Variants in TENM1 observed in about 807,000 individuals in gnomAD.
TENM1 encodes the protein teneurin-1.
Under a neutral mutation model 174.8 loss-of-function variants are expected in TENM1, and 35 were observed. The observed-to-expected ratio is 0.20, with a 90% confidence interval of 0.15 to 0.27. TENM1 has a LOEUF of 0.27. TENM1 is among the 10% of genes least tolerant of loss of function. TENM1 has a pLI of 1.00. For synonymous variants in TENM1, 781 were observed against 798.7 expected, an observed-to-expected ratio of 0.98 and a Z score of 0.37; for missense variants, 1,633 against 2,130.1, an observed-to-expected ratio of 0.77 and a Z score of 4.59.
At chrX:124,783,519 C>T (rs1212186060) in intron 3 of TENM1, among the ~76,000 whole-genome samples, 1 of 110,818 alleles carries the variant, frequency 9.0e-6, no homozygotes, top group African/African-American at 3.3e-5. Flanking sequence ...GAAGTAATGT[C>T]GAATAAGTGG....
intron 11 of TENM1, among the ~76,000 whole-genome samples, chrX:124,629,621 A>G (rs746355037): frequency 4.5e-5 from 5 of 112,322 alleles, no homozygotes; most frequent in Non-Finnish European, 9.4e-5. Context: ...ATTACAAAAT[A>G]TTAATTATTT....
At chrX:125,188,129 G>A in the TENM1 span, among the ~76,000 whole-genome samples, 2 of 111,209 alleles carry the variant, frequency 1.8e-5, no homozygotes, top group African/African-American at 6.6e-5. Flanking sequence ...ACAGAAGTTC[G>A]AGACCAGCCT....
intron 3 of TENM1, among the ~76,000 whole-genome samples, chrX:124,888,121 G>T (rs1041033703): frequency 1.8e-5 from 2 of 111,523 alleles, no homozygotes; most frequent in Non-Finnish European, 3.8e-5. Context: ...AACTCCAGCG[G>T]TTTCCTTGAA....
At chrX:124,831,374 G>A (rs1463986674) in intron 3 of TENM1, among the ~76,000 whole-genome samples, 3 of 111,702 alleles carry the variant, frequency 2.7e-5, no homozygotes, top group East Asian at 2.8e-4. Context: ...GATGAGAAAC[G>A]GTACTCAATG....
chrX:125,175,842 C>T, the TENM1 span, among the ~76,000 whole-genome samples: 1 of 111,814 alleles, frequency 8.9e-6, no homozygotes, highest in African/African-American at 3.2e-5. Flanking sequence ...CAGTGCCTGG[C>T]ACAGAGTTAA....
intron 5 of TENM1, among the ~76,000 whole-genome samples, chrX:124,685,565 T>G (rs1267420763): frequency 1.8e-5 from 2 of 108,300 alleles, no homozygotes; most frequent in African/African-American, 6.9e-5. Context: ...AAATCTGTTT[T>G]TTTTTTTTTT....
intron 23 of TENM1, among the ~76,000 whole-genome samples, chrX:124,423,787 G>C (rs757050772): frequency 5.5e-4 from 61 of 111,663 alleles, no homozygotes; most frequent in African/African-American, 1.9e-3. Flanking sequence ...CTGGGTGTGA[G>C]GGAGACCTGA....
At chrX:124,751,301 A>C (rs2148579074) in intron 3 of TENM1, among the ~76,000 whole-genome samples, 1 of 111,944 alleles carries the variant, frequency 8.9e-6, no homozygotes, top group African/African-American at 3.2e-5. Context: ...GGCTTCAAGT[A>C]AATGTTATTA....
intron 1 of TENM1, among the ~76,000 whole-genome samples, chrX:124,933,826 T>C (rs1030435396): frequency 8.9e-6 from 1 of 111,917 alleles, no homozygotes; most frequent in African/African-American, 3.2e-5. Context: ...TTAAATTCCA[T>C]TGCATTTTAG....
At chrX:124,421,697 T>TGTATCTA (rs2060656016) in intron 24 of TENM1, among the ~76,000 whole-genome samples, 2 of 110,010 alleles carry the variant, frequency 1.8e-5, no homozygotes, top group Admixed American at 9.7e-5. Flanking sequence ...TAAAAAGCAA[T>TGTATCTA]GTATCTAGCA....
chrX:124,866,541 C>T (rs2057010991), intron 3 of TENM1, among the ~76,000 whole-genome samples: 1 of 110,594 alleles, frequency 9.0e-6, no homozygotes, highest in African/African-American at 3.3e-5. Context: ...AGCTATAATG[C>T]CTACATCAAA....
At chrX:124,535,344 G>A (rs779907495) in intron 15 of TENM1, among the ~76,000 whole-genome samples, 1 of 111,306 alleles carries the variant, frequency 9.0e-6, no homozygotes, top group African/African-American at 3.3e-5. Context: ...AAAAAGGCAG[G>A]CAAATCGACC....
chrX:125,187,833 GA>G, the TENM1 span, among the ~76,000 whole-genome samples: 5 of 111,128 alleles, frequency 4.5e-5, no homozygotes, highest in Non-Finnish European at 9.4e-5. Flanking sequence ...TATTCACATA[GA>G]AAGATGTTCA....
At chrX:125,048,243 ATTT>A in the TENM1 span, among the ~76,000 whole-genome samples, 5,472 of 63,887 alleles carry the variant, frequency 0.086, 115 homozygotes, top group African/African-American at 0.11. Flanking sequence ...GTTTCGAAGC[ATTT>A]TTTTTTTTTT....
rs1286165943 is a variant in TENM1, at chrX:124,737,831, C to G, written c.536-634G>C. Among the ~76,000 whole-genome samples the G allele has an allele frequency of 5.3e-5, 6 of 112,293 alleles. No individual in the cohort carries two copies. In the East Asian group the frequency reaches 1.7e-3, roughly 31 times the overall value. On this transcript the variant is annotated intron_variant, in intron 3 of 31. Coordinates refer to ENST00000422452, the Ensembl canonical transcript of TENM1. The stretch of plus-strand genomic sequence containing the variant: ...TTTGTTCAAGTTGTTATACATATTT[C>G]CATGGTCATGCAAAGCACAGTCTGC...
At chrX:124,599,226 A>G (rs1215180386) in intron 11 of TENM1, among the ~76,000 whole-genome samples, 1 of 111,268 alleles carries the variant, frequency 9.0e-6, no homozygotes, top group Non-Finnish European at 1.9e-5. Flanking sequence ...AGGATATGGA[A>G]AAGCCATGCA....
At chrX:124,723,625 G>A (rs1266560876) in intron 4 of TENM1, among the ~76,000 whole-genome samples, 3 of 84,761 alleles carry the variant, frequency 3.5e-5, no homozygotes, top group African/African-American at 1.4e-4. Context: ...TTTTTTTGAC[G>A]GAGTCTCACT....
the TENM1 span, among the ~76,000 whole-genome samples, chrX:125,104,367 A>G: frequency 1.8e-5 from 2 of 111,219 alleles, no homozygotes; most frequent in South Asian, 7.6e-4. Context: ...TACTTCCCAA[A>G]CTCTTCCTCA....
chrX:124,646,742 A>C, exon 9 of TENM1: 1 of 1,207,434 alleles, frequency 8.3e-7, no homozygotes, highest in Non-Finnish European at 1.1e-6. Flanking sequence ...AATCCTGGGA[A>C]ACAATGACAA....
Sources: gnomAD v4.1 joint callset for allele counts (sites outside exome capture counted in the v4.1 genomes callset) on GRCh38, gnomAD v4.1.1 for gene constraint, MANE v1.5 for transcripts, NCBI Gene and HGNC (gene_info 2026-07-23, HGNC 2026-07-21) for gene names.